Variants in PCCA observed in about 807,000 individuals in gnomAD.
PCCA encodes propionyl-CoA carboxylase subunit alpha, also known as propionyl-CoA carboxylase alpha chain, mitochondrial.
Under a neutral mutation model 101.3 loss-of-function variants are expected in PCCA, and 74 were observed. That is an observed-to-expected ratio of 0.73 (90% CI 0.61 to 0.89). The LOEUF (loss-of-function observed/expected upper bound fraction) is 0.89, where lower values mean the gene tolerates loss of function less well. Among genes scored for constraint, PCCA ranks in the 40% least tolerant of loss-of-function variants. The probability of loss-of-function intolerance (pLI) is 0.00; values close to 1 mark genes in which losing one functional copy is unlikely to be tolerated. For synonymous variants in PCCA, 294 were observed against 313.6 expected, an observed-to-expected ratio of 0.94 and a Z score of 0.66; for missense variants, 891 against 907.0, an observed-to-expected ratio of 0.98 and a Z score of 0.23.
At chr13:100,510,418 C>T (rs1342501658) in intron 21 of PCCA, among the ~76,000 whole-genome samples, 1 of 152,200 alleles carries the variant, frequency 6.6e-6, no homozygotes. Context: ...GCTTTCTCTG[C>T]CTGGAATTGA....
At chr13:100,243,142 T>A (rs978518952) in intron 8 of PCCA, among the ~76,000 whole-genome samples, 5 of 152,216 alleles carry the variant, frequency 3.3e-5, no homozygotes, top group African/African-American at 1.2e-4. Flanking sequence ...GTGCTCCCCC[T>A]GCCTTGGCCT....
Position 100,510,850 on chromosome 13 carries a change from G to C in PCCA, c.1900-4577G>C, listed in dbSNP as rs141601021. On this transcript the variant is annotated intron_variant, in intron 21 of 23. Coordinates refer to ENST00000376285, the MANE Select transcript of PCCA (RefSeq NM_000282.4). ...CATTATGCTAACAGGCTGCTCCAGC[G>C]ACTGCAGCTGTAGGAGGCTGTGGTT... Among the ~76,000 whole-genome samples, 17 of 152,342 alleles carry C rather than the reference G, an allele frequency of 1.1e-4. No individual in the cohort carries two copies. In the East Asian group the frequency reaches 3.1e-3, roughly 28 times the overall value.
chr13:100,301,114 T>C (rs2066026798), intron 12 of PCCA, among the ~76,000 whole-genome samples: 1 of 152,354 alleles, frequency 6.6e-6, no homozygotes, highest in African/African-American at 2.4e-5. Context: ...AGGTTGATTA[T>C]CGGCCACATT....
At chr13:100,446,767 C>G (rs1043742547) in intron 20 of PCCA, among the ~76,000 whole-genome samples, 1 of 152,254 alleles carries the variant, frequency 6.6e-6, no homozygotes, top group South Asian at 2.1e-4. Context: ...TAAGTGAAAA[C>G]GAGAGTCAAC....
chr13:100,377,425 TG>T (rs200008136), intron 19 of PCCA, among the ~76,000 whole-genome samples: 1,661 of 152,312 alleles, frequency 0.011, 36 homozygotes, highest in African/African-American at 0.037. Context: ...GGGTGAAGTG[TG>T]TTTCTTGCAG....
At chr13:100,468,125 G>A (rs1021976989) in intron 21 of PCCA, among the ~76,000 whole-genome samples, 1 of 152,192 alleles carries the variant, frequency 6.6e-6, no homozygotes, top group Admixed American at 6.5e-5. Context: ...ATATTTTTAA[G>A]GAAATATTTT....
chr13:100,089,774 C>G (rs1406961113), intron 1 of PCCA, among the ~76,000 whole-genome samples: 1 of 152,190 alleles, frequency 6.6e-6, no homozygotes, highest in African/African-American at 2.4e-5. Flanking sequence ...GTATGACACC[C>G]CAGTCTACTG....
At chr13:100,231,275 G>C (rs1170957933) in intron 7 of PCCA, among the ~76,000 whole-genome samples, 1 of 152,134 alleles carries the variant, frequency 6.6e-6, no homozygotes, top group African/African-American at 2.4e-5. Context: ...GCCCAGAATT[G>C]GGCCTATTGT....
chr13:100,330,694 T>C (rs755206116), intron 17 of PCCA, 23 bp downstream of exon 17: 1 of 1,351,130 alleles, frequency 7.4e-7, no homozygotes, highest in African/African-American at 1.4e-5. Flanking sequence ...TAAAATATTT[T>C]AGTGTTTTAA....
chr13:100,095,026 C>T (rs1230530025), intron 1 of PCCA, among the ~76,000 whole-genome samples: 1 of 152,202 alleles, frequency 6.6e-6, no homozygotes, highest in Non-Finnish European at 1.5e-5. Flanking sequence ...AAGGCATGAG[C>T]AGGGCCATGC....
intron 6 of PCCA, among the ~76,000 whole-genome samples, chr13:100,201,365 G>A (rs2058476366): frequency 6.6e-6 from 1 of 152,068 alleles, no homozygotes; most frequent in Non-Finnish European, 1.5e-5. Context: ...GGCTTTGTAG[G>A]CCCTATGATC....
At chr13:100,468,724 T>G (rs969597093) in intron 21 of PCCA, among the ~76,000 whole-genome samples, 14 of 152,132 alleles carry the variant, frequency 9.2e-5, no homozygotes, top group African/African-American at 3.4e-4. Context: ...TGATTGTCTA[T>G]GGAGACCACT....
At chr13:100,270,347 G>A (rs1394619259) in intron 11 of PCCA, among the ~76,000 whole-genome samples, 1 of 152,178 alleles carries the variant, frequency 6.6e-6, no homozygotes, top group Non-Finnish European at 1.5e-5. Context: ...GGGGAAAAAG[G>A]ATACCTGTGG....
At chr13:100,135,594 G>A (rs1197532759) in intron 4 of PCCA, among the ~76,000 whole-genome samples, 1 of 152,026 alleles carries the variant, frequency 6.6e-6, no homozygotes, top group African/African-American at 2.4e-5. Context: ...AGATAATCAT[G>A]TTGTCTGTGA....
At chr13:100,325,379 A>T (rs2068550136) in intron 16 of PCCA, among the ~76,000 whole-genome samples, 2 of 151,572 alleles carry the variant, frequency 1.3e-5, no homozygotes, top group South Asian at 4.2e-4. Flanking sequence ...TGATAATTTT[A>T]GAAAGAGATT....
At chr13:100,274,521 G>A (rs2063509941) in intron 12 of PCCA, among the ~76,000 whole-genome samples, 1 of 152,126 alleles carries the variant, frequency 6.6e-6, no homozygotes, top group Admixed American at 6.5e-5. Flanking sequence ...AGTCTATCAT[G>A]CAGGTTCCAG....
At chr13:100,191,187 A>G (rs971595619) in intron 6 of PCCA, among the ~76,000 whole-genome samples, 10 of 152,246 alleles carry the variant, frequency 6.6e-5, no homozygotes, top group African/African-American at 2.4e-4. Flanking sequence ...GTTTAAGGCA[A>G]TGATAAAGTC....
intron 18 of PCCA, among the ~76,000 whole-genome samples, chr13:100,349,444 G>T (rs546762591): frequency 6.6e-6 from 1 of 150,882 alleles, no homozygotes; most frequent in South Asian, 2.1e-4. Context: ...TGTATTTTTC[G>T]TAGAGACTGG....
At chr13:100,277,134 C>T (rs1406035451) in intron 12 of PCCA, among the ~76,000 whole-genome samples, 1 of 152,060 alleles carries the variant, frequency 6.6e-6, no homozygotes, top group African/African-American at 2.4e-5. Context: ...ATACACAGCC[C>T]GGTTGCAGTT....
Sources: allele counts gnomAD v4.1 joint callset (sites outside exome capture counted in the v4.1 genomes callset), GRCh38; gene constraint gnomAD v4.1.1; transcripts MANE v1.5; gene names NCBI Gene and HGNC (gene_info 2026-07-23, HGNC 2026-07-21).